Variants in RIC3 observed in about 807,000 individuals in gnomAD.
The protein encoded by RIC3 is RIC3 acetylcholine receptor chaperone.
In RIC3, 28 loss-of-function variants were observed where a neutral mutation model predicts 27.3. The observed-to-expected ratio is 1.02, with a 90% CI of 0.76 to 1.41. The LOEUF is 1.41. RIC3 is among the 40% of genes most tolerant of loss of function. The pLI is 0.00. For missense variants in RIC3, 501 were observed against 444.7 expected (o/e 1.13, Z -1.14); for synonymous variants, 184 against 160.4 (o/e 1.15, Z -1.11).
At chr11:8,105,985 A>ATTGTCTTTTCCTATT (rs1301456984), downstream of RIC3, 1 of 151,936 alleles carries the variant, frequency 6.6e-6, no homozygotes, top group African/African-American at 2.4e-5. Context: ...TTTGCACAAG[A>ATTGTCTTTTCCTATT]TTGTCTTTTC....
downstream of RIC3, chr11:8,101,884 T>C: frequency 2.0e-6 from 1 of 507,588 alleles, no homozygotes; most frequent in Non-Finnish European, 3.5e-6. Flanking sequence ...ACTCCCACCC[T>C]TGGGGTAGTA....
At chr11:8,147,628 G>A (rs1333976350) in intron 1 of RIC3, among the ~76,000 whole-genome samples, 1 of 152,120 alleles carries the variant, frequency 6.6e-6, no homozygotes, top group Non-Finnish European at 1.5e-5. Context: ...TGGGAAAGCA[G>A]GCTAGATTAT....
chr11:8,162,657 T>A (rs1423921421), intron 1 of RIC3, among the ~76,000 whole-genome samples: 1 of 131,590 alleles, frequency 7.6e-6, no homozygotes, highest in Non-Finnish European at 1.6e-5. Context: ...TTTTTTTTTC[T>A]TTTTTTGAGA....
chr11:8,113,207 T>A (rs562267602), intron 5 of RIC3, among the ~76,000 whole-genome samples: 11 of 152,228 alleles, frequency 7.2e-5, no homozygotes, highest in Non-Finnish European at 1.6e-4. Context: ...TCCCAGCCAC[T>A]GAATGCTTAA....
At chr11:8,149,024 C>CAAAAAAAAAAAA (rs34536745) in intron 1 of RIC3, among the ~76,000 whole-genome samples, 1 of 96,180 alleles carries the variant, frequency 1.0e-5, no homozygotes. Flanking sequence ...ACTAAAAATA[C>CAAAAAAAAAAAA]AAAAAAAAAA....
At chr11:8,138,181 T>C in intron 3 of RIC3, 91 bp downstream of exon 3, 2 of 857,800 alleles carry the variant, frequency 2.3e-6, no homozygotes, top group Non-Finnish European at 3.6e-6. Context: ...TTTTGAGAAA[T>C]GCTTTTAAGA....
At position 8,161,522 on chromosome 11, in the gene RIC3, T is replaced by A. The variant is rs960223575; in HGVS notation, c.124+7344A>T. ...TCTATCCATTGATAACCTCTCTTGCTCTAATATCCATATTTTCCTTTGGGA... is the reference window on the plus strand; with the variant it reads ...TCTATCCATTGATAACCTCTCTTGCACTAATATCCATATTTTCCTTTGGGA... On this transcript the variant is annotated intron_variant, in intron 1 of 5. Transcript: ENST00000309737. 3.3e-5 allele frequency among the ~76,000 whole-genome samples: 5 copies of A among 152,210 alleles called. 1 individual carries two copies. Among genetic ancestry groups the A allele is most frequent in the Admixed American group, 2.6e-4 (4 of 15,278 alleles).
intron 5 of RIC3, among the ~76,000 whole-genome samples, chr11:8,114,935 G>A (rs1210060998): frequency 6.6e-6 from 1 of 152,094 alleles, no homozygotes; most frequent in Non-Finnish European, 1.5e-5. Context: ...ACAGTTGGAT[G>A]AGAAAAAAAG....
At chr11:8,096,769 C>G in the RIC3 span, 2 of 1,614,040 alleles carry the variant, frequency 1.2e-6, no homozygotes, top group African/African-American at 1.3e-5. Flanking sequence ...AATAGTAACA[C>G]CCGCCCCAGC....
At chr11:8,149,024 CAA>C (rs34536745) in intron 1 of RIC3, among the ~76,000 whole-genome samples, 6 of 96,172 alleles carry the variant, frequency 6.2e-5, no homozygotes, top group Non-Finnish European at 6.7e-5. Context: ...ACTAAAAATA[CAA>C]AAAAAAAAAA....
At chr11:8,144,001 T>C (rs1949370401) in intron 1 of RIC3, among the ~76,000 whole-genome samples, 1 of 152,190 alleles carries the variant, frequency 6.6e-6, no homozygotes, top group Non-Finnish European at 1.5e-5. Flanking sequence ...ACTGGATCCC[T>C]TCCTTACACC....
At chr11:8,156,198 T>G (rs1950637658) in intron 1 of RIC3, among the ~76,000 whole-genome samples, 2 of 152,220 alleles carry the variant, frequency 1.3e-5, no homozygotes, top group African/African-American at 2.4e-5. Context: ...TTCTAACTGG[T>G]CTTGCCAGTT....
chr11:8,097,639 CTGTG>C, the RIC3 span: 30 of 1,383,092 alleles, frequency 2.2e-5, no homozygotes, highest in Non-Finnish European at 2.7e-5. Context: ...CGGAGAGAGT[CTGTG>C]TGAGTGGCTC....
At chr11:8,133,817 G>C (rs6578931) in intron 4 of RIC3, among the ~76,000 whole-genome samples, 73,774 of 151,806 alleles carry the variant, frequency 0.49, 19,924 homozygotes, top group African/African-American at 0.73. Flanking sequence ...ATAGATAGAT[G>C]ATGTACATGG....
intron 5 of RIC3, among the ~76,000 whole-genome samples, chr11:8,111,628 T>G (rs4343012): frequency 6.6e-6 from 1 of 152,000 alleles, no homozygotes; most frequent in Non-Finnish European, 1.5e-5. Context: ...ATCCAAACAA[T>G]TGAAATGGCT....
chr11:8,142,121 A>AAAAGCAAG (rs1337630708), intron 1 of RIC3, among the ~76,000 whole-genome samples: 5 of 147,004 alleles, frequency 3.4e-5, no homozygotes, highest in African/African-American at 1.3e-4. Flanking sequence ...AAAGAACTAG[A>AAAAGCAAG]AAAGCAAGAG....
At chr11:8,143,543 G>A (rs1256996311) in intron 1 of RIC3, among the ~76,000 whole-genome samples, 1 of 151,844 alleles carries the variant, frequency 6.6e-6, no homozygotes, top group Non-Finnish European at 1.5e-5. Flanking sequence ...ACAAACAAAC[G>A]GAAGAACATT....
At chr11:8,147,476 G>A (rs977293158) in intron 1 of RIC3, among the ~76,000 whole-genome samples, 1 of 152,158 alleles carries the variant, frequency 6.6e-6, no homozygotes, top group Non-Finnish European at 1.5e-5. Flanking sequence ...GGGTGGAAAG[G>A]AGATTCTCTA....
chr11:8,123,544 C>T (rs1946690560), intron 5 of RIC3, among the ~76,000 whole-genome samples: 1 of 152,080 alleles, frequency 6.6e-6, no homozygotes, highest in Non-Finnish European at 1.5e-5. Context: ...AGAGGGTGCA[C>T]CCTACAGATC....
Sources: gnomAD v4.1 joint callset for allele counts (sites outside exome capture counted in the v4.1 genomes callset) on GRCh38, gnomAD v4.1.1 for gene constraint, MANE v1.5 for transcripts, NCBI Gene and HGNC (gene_info 2026-07-23, HGNC 2026-07-21) for gene names.